Variants in FGD4 observed in about 807,000 individuals in gnomAD.
FGD4 encodes the protein FYVE, RhoGEF and PH domain containing 4.
Under a neutral mutation model 102.0 loss-of-function variants are expected in FGD4, and 42 were observed. The ratio of observed to expected loss-of-function variants is 0.41; its 90% CI spans 0.32 to 0.53. The LOEUF (loss-of-function observed/expected upper bound fraction) is 0.53, where lower values mean the gene tolerates loss of function less well. FGD4 is among the 20% of genes least tolerant of loss of function. The probability of loss-of-function intolerance (pLI) is 0.21; values close to 1 mark genes in which losing one functional copy is unlikely to be tolerated. For synonymous variants in FGD4, 380 were observed against 375.7 expected (o/e 1.01, Z -0.13); for missense variants, 902 against 1,078.2 (o/e 0.84, Z 2.29).
intron 11 of FGD4, among the ~76,000 whole-genome samples, chr12:32,620,889 C>G (rs545389521): frequency 5.3e-5 from 8 of 151,568 alleles, no homozygotes; most frequent in African/African-American, 1.7e-4. Flanking sequence ...TCTCGAACTC[C>G]TGACCTCAGG....
intron 1 of FGD4, among the ~76,000 whole-genome samples, chr12:32,452,761 G>A (rs1942815557): frequency 6.6e-6 from 1 of 152,190 alleles, no homozygotes; most frequent in Non-Finnish European, 1.5e-5. Flanking sequence ...GAAGCAGGAA[G>A]ATCATGTGAG....
intron 4 of FGD4, among the ~76,000 whole-genome samples, chr12:32,592,793 A>T (rs1947588483): frequency 1.3e-5 from 2 of 152,192 alleles, no homozygotes; most frequent in Admixed American, 1.3e-4. Flanking sequence ...CTTCAAAATG[A>T]CTGTATTTTG....
chr12:32,525,007 G>A (rs1051658187), intron 1 of FGD4, among the ~76,000 whole-genome samples: 2 of 152,200 alleles, frequency 1.3e-5, no homozygotes, highest in African/African-American at 2.4e-5. Context: ...TCTAAAGATT[G>A]TTTAAAGAAC....
At chr12:32,477,016 C>G (rs751212029) in intron 1 of FGD4, among the ~76,000 whole-genome samples, 6 of 152,108 alleles carry the variant, frequency 3.9e-5, no homozygotes, top group African/African-American at 1.4e-4. Context: ...TGGCCAGGTG[C>G]GTGGCTCATG....
At chr12:32,416,183 A>T in intron 1 of FGD4, among the ~76,000 whole-genome samples, 1 of 152,106 alleles carries the variant, frequency 6.6e-6, no homozygotes, top group East Asian at 1.9e-4. Flanking sequence ...TATTTTTTGT[A>T]AAGACAGGGT....
chr12:32,442,657 C>CAAG (rs1942485453), intron 1 of FGD4, among the ~76,000 whole-genome samples: 1 of 147,326 alleles, frequency 6.8e-6, no homozygotes, highest in South Asian at 2.1e-4. Context: ...CTCCCGGGTT[C>CAAG]AAGCAATTCT....
chr12:32,617,591 G>A (rs553344612), intron 10 of FGD4, among the ~76,000 whole-genome samples: 4 of 152,282 alleles, frequency 2.6e-5, no homozygotes, highest in South Asian at 4.1e-4. Flanking sequence ...AAATTGCCTC[G>A]CTAGTCTGAG....
At chr12:32,484,081 CCAAAAAAAATCCGTTG>C (rs1943829249) in intron 1 of FGD4, among the ~76,000 whole-genome samples, 1 of 151,980 alleles carries the variant, frequency 6.6e-6, no homozygotes, top group Non-Finnish European at 1.5e-5. Flanking sequence ...GGAAATTACA[CCAAAAAAAATCCGTTG>C]GGAGCTCTGA....
chr12:32,458,020 T>A lies in FGD4; in HGVS notation c.166+58061T>A, dbSNP rs150595010. On this transcript the variant is annotated intron_variant, in intron 1 of 16. Coordinates refer to ENST00000534526, the MANE Select transcript of FGD4 (RefSeq NM_001370298.3). The stretch of plus-strand genomic sequence containing the variant: ...CACTTTTTTTTTTTAATTTTCATTA[T>A]TTTCTACCATTTCTCTGCTTGGGAG... Among the ~76,000 whole-genome samples the A allele has an allele frequency of 1.4e-3, 214 of 152,190 alleles. 1 individual carries two copies. The highest frequency in any genetic ancestry group is 4.9e-3 in the African/African-American group (204 of 41,534).
intron 4 of FGD4, among the ~76,000 whole-genome samples, chr12:32,592,789 A>G (rs1391813978): frequency 1.3e-5 from 2 of 152,224 alleles, no homozygotes; most frequent in African/African-American, 4.8e-5. Flanking sequence ...ATTACTTCAA[A>G]ATGACTGTAT....
intron 10 of FGD4, among the ~76,000 whole-genome samples, chr12:32,611,899 GCCCGGGAAGCC>G (rs1257849697): frequency 6.6e-6 from 1 of 152,212 alleles, no homozygotes; most frequent in East Asian, 1.9e-4. Context: ...GCTCTCAGGG[GCCCGGGAAGCC>G]CCCTGTACCC....
Position 32,618,386 on chromosome 12 carries a change from A to G in FGD4, c.1750-1312A>G, listed in dbSNP as rs1482795664. Among the ~76,000 whole-genome samples, 8 of 152,210 alleles carry G rather than the reference A, an allele frequency of 5.3e-5. No homozygotes were observed. In the South Asian group the frequency reaches 6.2e-4, roughly 12 times the overall value. On this transcript the variant is annotated intron_variant, in intron 10 of 16. Coordinates refer to ENST00000534526, the MANE Select transcript of FGD4 (RefSeq NM_001370298.3). ...GAAGAGGGAAAGAAGTGTTAACAGGAAAAACTTAGCAAGCAAGCTGTGGCC... is the reference window on the plus strand; with the variant it reads ...GAAGAGGGAAAGAAGTGTTAACAGGGAAAACTTAGCAAGCAAGCTGTGGCC...
chr12:32,546,962 T>G (rs1039604105), intron 1 of FGD4, among the ~76,000 whole-genome samples: 2 of 152,210 alleles, frequency 1.3e-5, no homozygotes, highest in Non-Finnish European at 2.9e-5. Context: ...ATTTCTTAAA[T>G]TGATTTGTTT....
chr12:32,595,840 T>C (rs1947848156), intron 4 of FGD4, among the ~76,000 whole-genome samples: 1 of 152,230 alleles, frequency 6.6e-6, no homozygotes, highest in African/African-American at 2.4e-5. Context: ...CCACAAATTA[T>C]TTAAACACTA....
intron 10 of FGD4, among the ~76,000 whole-genome samples, chr12:32,616,744 T>C (rs1949472694): frequency 6.6e-6 from 1 of 152,262 alleles, no homozygotes; most frequent in African/African-American, 2.4e-5. Flanking sequence ...TTCATGTGTT[T>C]GCATATTTTC....
chr12:32,417,725 A>G (rs1482247135), intron 1 of FGD4, among the ~76,000 whole-genome samples: 2 of 151,914 alleles, frequency 1.3e-5, no homozygotes, highest in East Asian at 1.9e-4. Flanking sequence ...TGTTCTGCTA[A>G]TAAGAGACTC....
chr12:32,409,398 C>G (rs1941104508), intron 1 of FGD4, among the ~76,000 whole-genome samples: 1 of 151,194 alleles, frequency 6.6e-6, no homozygotes, highest in Non-Finnish European at 1.5e-5. Context: ...AAGTGATTCT[C>G]CTGCCTCAGC....
intron 2 of FGD4, among the ~76,000 whole-genome samples, chr12:32,565,056 A>T (rs1273972075): frequency 6.6e-6 from 1 of 152,232 alleles, no homozygotes; most frequent in Non-Finnish European, 1.5e-5. Flanking sequence ...AATACTGGGC[A>T]TTGTCAGAAT....
At chr12:32,603,411 G>C (rs1393774844) in intron 7 of FGD4, among the ~76,000 whole-genome samples, 1 of 151,724 alleles carries the variant, frequency 6.6e-6, no homozygotes, top group Admixed American at 6.6e-5. Context: ...TGGAGACGGA[G>C]TCTCGCTGCT....
Sources: gnomAD v4.1 joint callset for allele counts (sites outside exome capture counted in the v4.1 genomes callset) on GRCh38, gnomAD v4.1.1 for gene constraint, MANE v1.5 for transcripts, NCBI Gene and HGNC (gene_info 2026-07-23, HGNC 2026-07-21) for gene names.